Variants in IFT52 observed in about 807,000 individuals in gnomAD.
IFT52 encodes the protein intraflagellar transport 52, also known as intraflagellar transport protein 52 homolog.
Under a neutral mutation model 54.4 loss-of-function variants are expected in IFT52, and 44 were observed. The observed-to-expected ratio is 0.81, with a 90% CI of 0.63 to 1.04. The LOEUF is 1.04. IFT52 is among the 50% of genes least tolerant of loss of function. IFT52 has a pLI of 0.00. For missense variants in IFT52, 452 were observed against 523.6 expected, an observed-to-expected ratio of 0.86 and a Z score of 1.33; for synonymous variants, 181 against 185.3, an observed-to-expected ratio of 0.98 and a Z score of 0.19.
intron 10 of IFT52, among the ~76,000 whole-genome samples, chr20:43,632,707 C>T (rs1237004214): frequency 6.6e-6 from 1 of 151,906 alleles, no homozygotes; most frequent in Non-Finnish European, 1.5e-5. Flanking sequence ...AGTGGATATT[C>T]AGTAATTATT....
intron 6 of IFT52, among the ~76,000 whole-genome samples, chr20:43,610,917 T>A (rs1983393439): frequency 6.6e-6 from 1 of 152,202 alleles, no homozygotes; most frequent in South Asian, 2.1e-4. Context: ...AGTGTCTGTT[T>A]CCCTATCTGT....
Position 43,642,529 on chromosome 20 carries a change from G to A in IFT52, c.1171G>A (p.Gly391Arg). 6.2e-7 allele frequency: 1 copy of A among 1,614,038 alleles called. No individual in the cohort carries two copies. Among genetic ancestry groups the A allele is most frequent in the South Asian group, 1.1e-5 (1 of 91,076 alleles). The change falls in exon 13 of 14, where the codon GGA becomes AGA. Residue 391 changes from glycine (G) to arginine (R), a missense_variant. Transcript: ENST00000373030. ...FYVRKCGDIL[G>R]VTSKLPKDQQ... ...TGTCAGGAAGTGTGGTGATATTCTT[G>A]GAGTAACCAGTAAACTACCAAAGGA... is the stretch of plus-strand genomic sequence containing the variant.
At chr20:43,592,921 C>T (rs748952779) in intron 1 of IFT52, among the ~76,000 whole-genome samples, 52 of 151,984 alleles carry the variant, frequency 3.4e-4, no homozygotes, top group Non-Finnish European at 7.4e-4. Flanking sequence ...GGCAACATAG[C>T]GAGACCTTGC....
rs142066740 is a variant in IFT52, at chr20:43,600,762, G to A, written c.208-2998G>A. 3.3e-5 allele frequency among the ~76,000 whole-genome samples: 5 copies of A among 152,204 alleles called. No individual in the cohort carries two copies. The East Asian group carries it at 9.7e-4, about 29-fold the overall frequency. On this transcript the variant is annotated intron_variant, in intron 3 of 13. Coordinates refer to ENST00000373030, the MANE Select transcript of IFT52 (RefSeq NM_016004.5). ...GAGGCGGGTGGAACACCAGACGTCA[G>A]GAGTTTGAGACTAGCCTGGCCAACA...
At chr20:43,643,071 G>A (rs1986030819) in intron 13 of IFT52, among the ~76,000 whole-genome samples, 1 of 151,944 alleles carries the variant, frequency 6.6e-6, no homozygotes. Context: ...GGAGGCTGAG[G>A]CAGATGAATC....
At chr20:43,608,522 A>G (rs1009473774) in intron 6 of IFT52, among the ~76,000 whole-genome samples, 6 of 152,142 alleles carry the variant, frequency 3.9e-5, no homozygotes, top group African/African-American at 1.4e-4. Flanking sequence ...TTTCGCATTC[A>G]TTTATAATAC....
intron 10 of IFT52, among the ~76,000 whole-genome samples, chr20:43,628,030 G>A (rs1984875970): frequency 6.9e-6 from 1 of 144,242 alleles, no homozygotes; most frequent in Admixed American, 7.3e-5. Context: ...AGGTTCAAGT[G>A]ATCCTCCTAC....
intron 10 of IFT52, among the ~76,000 whole-genome samples, chr20:43,633,581 G>A (rs111359154): frequency 0.013 from 2,005 of 151,780 alleles, 48 homozygotes; most frequent in African/African-American, 0.046. Flanking sequence ...GGTGGCACGC[G>A]TTTGTAGTCC....
chr20:43,617,507 G>A (rs1385463169), intron 7 of IFT52, among the ~76,000 whole-genome samples: 1 of 151,720 alleles, frequency 6.6e-6, no homozygotes, highest in African/African-American at 2.4e-5. Flanking sequence ...GCAGTGGTGC[G>A]ATCTTGCTTC....
chr20:43,612,403 C>G (rs1175810280), intron 6 of IFT52, among the ~76,000 whole-genome samples: 1 of 151,958 alleles, frequency 6.6e-6, no homozygotes, highest in Non-Finnish European at 1.5e-5. Flanking sequence ...AGATTAACAC[C>G]AGAGGGAGGC....
At chr20:43,599,268 A>C (rs1369134429) in intron 3 of IFT52, among the ~76,000 whole-genome samples, 1 of 152,130 alleles carries the variant, frequency 6.6e-6, no homozygotes, top group Non-Finnish European at 1.5e-5. Context: ...GATGTTTGCC[A>C]GGGACCAACC....
intron 10 of IFT52, among the ~76,000 whole-genome samples, chr20:43,625,440 A>G (rs977122956): frequency 6.6e-6 from 1 of 152,126 alleles, no homozygotes; most frequent in African/African-American, 2.4e-5. Context: ...CCCAGAAGGC[A>G]GAGATGGCGG....
intron 12 of IFT52, among the ~76,000 whole-genome samples, chr20:43,638,496 C>T (rs781074744): frequency 6.6e-5 from 10 of 152,050 alleles, no homozygotes; most frequent in Non-Finnish European, 1.2e-4. Flanking sequence ...CGGCCAACTT[C>T]TACACTATTT....
chr20:43,631,816 A>G (rs1395963462), intron 10 of IFT52, among the ~76,000 whole-genome samples: 1 of 151,744 alleles, frequency 6.6e-6, no homozygotes, highest in African/African-American at 2.4e-5. Context: ...TGCCAGGGAC[A>G]CTTTTGAAGA....
chr20:43,641,737 G>A (rs368354051), intron 12 of IFT52, among the ~76,000 whole-genome samples: 5 of 151,622 alleles, frequency 3.3e-5, no homozygotes, highest in African/African-American at 4.8e-5. Flanking sequence ...CTCGTGATCC[G>A]CTCACCTTGG....
intron 1 of IFT52, among the ~76,000 whole-genome samples, chr20:43,594,178 C>T (rs1482165821): frequency 6.6e-6 from 1 of 151,914 alleles, no homozygotes; most frequent in Non-Finnish European, 1.5e-5. Flanking sequence ...CATGGTGACA[C>T]GTGCCTGTAA....
intron 10 of IFT52, among the ~76,000 whole-genome samples, chr20:43,633,141 C>T (rs187447546): frequency 6.0e-4 from 91 of 151,592 alleles, no homozygotes; most frequent in Non-Finnish European, 2.5e-4. Context: ...GTTGGGAGTT[C>T]GAGACCAGCC....
At chr20:43,609,545 G>A (rs1179946339) in intron 6 of IFT52, among the ~76,000 whole-genome samples, 1 of 152,092 alleles carries the variant, frequency 6.6e-6, no homozygotes, top group African/African-American at 2.4e-5. Flanking sequence ...GCCGAGGTGG[G>A]CGGATCACCT....
intron 7 of IFT52, among the ~76,000 whole-genome samples, chr20:43,616,119 A>G (rs976700132): frequency 2.0e-5 from 3 of 152,268 alleles, no homozygotes; most frequent in Admixed American, 6.5e-5. Context: ...AGTTATAACT[A>G]TGCCTGTTCC....
Sources: allele counts gnomAD v4.1 joint callset (sites outside exome capture counted in the v4.1 genomes callset), GRCh38; gene constraint gnomAD v4.1.1; transcripts MANE v1.5; gene names NCBI Gene and HGNC (gene_info 2026-07-23, HGNC 2026-07-21).